Variants in STON1 observed in about 807,000 individuals in gnomAD.
STON1 encodes stonin 1.
Under a neutral mutation model 60.9 loss-of-function variants are expected in STON1, and 79 were observed. The observed-to-expected ratio is 1.30, with a 90% CI of 1.08 to 1.56. The LOEUF is 1.56. STON1 is among the 40% of genes most tolerant of loss of function. The pLI, the probability that STON1 is intolerant of heterozygous loss-of-function variation, is 0.00. For synonymous variants in STON1, 363 were observed against 306.9 expected, an observed-to-expected ratio of 1.18 and a Z score of -1.91; for missense variants, 1,166 against 858.9, an observed-to-expected ratio of 1.36 and a Z score of -4.47.
rs770726618 is a variant in STON1 at position 48,581,302 on chromosome 2, G to T, written c.669G>T (p.Lys223Asn). The T allele has an allele frequency of 2.6e-6, 4 of 1,524,078 alleles. No individual in the cohort carries two copies. In the East Asian group the frequency reaches 9.0e-5, roughly 34 times the overall value. 94.4% of individuals were successfully genotyped at this position (1,524,078 alleles called of 1,614,324 possible). Residue 223 changes from lysine to asparagine, a missense_variant, in exon 2 of 4, where the codon AAG (lysine) becomes AAT (asparagine). Coordinates refer to ENST00000404752, the MANE Select transcript of STON1 (RefSeq NM_006873.4). ...CTATTGACCAAAAAAGCCTAAATAA[G>T]TGTTCACTCAACTATATCTGTGAGA... The part of the protein sequence containing the change: ...EMPIDQKSLN[K>N]CSLNYICEKL...
At chr2:48,557,434 G>A (rs1392242778) in intron 1 of STON1, among the ~76,000 whole-genome samples, 2 of 97,192 alleles carry the variant, frequency 2.1e-5, no homozygotes, top group Non-Finnish European at 4.7e-5. Flanking sequence ...GGGCAGAGAC[G>A]CTCCTCACTT....
chr2:48,562,771 C>T lies in STON1; in HGVS notation c.-47-17816C>T, dbSNP rs1273605381. Among the ~76,000 whole-genome samples the T allele has an allele frequency of 3.9e-5, 6 of 152,182 alleles. No homozygotes were observed. The East Asian group carries it at 9.6e-4, about 24-fold the overall frequency. On this transcript the variant is annotated intron_variant, in intron 1 of 3. Transcript: ENST00000404752. ...GGCTCAGAAGTTGCCCATCTTGCCA[C>T]CTACAGGTTCTGTGGGTGGAGAGCA... is the stretch of plus-strand genomic sequence containing the variant.
At position 48,536,078 on chromosome 2, in the gene STON1, C is replaced by G. The variant is rs915255399; in HGVS notation, c.-48+5862C>G. On this transcript the variant is annotated intron_variant, in intron 1 of 3. Transcript: ENST00000404752. ...CTCCAGCCTGGGTGACAGAGCGACA[C>G]TCTGTCTCAAAAAATAAATCAAAAA... 4.7e-5 allele frequency among the ~76,000 whole-genome samples: 7 copies of G among 148,870 alleles called. No individual in the cohort carries two copies. The South Asian group carries it at 1.5e-3, about 32-fold the overall frequency.
rs1208212099 is a variant in STON1, at chr2:48,595,264, G to A, written c.2170G>A (p.Glu724Lys). The part of the protein sequence containing the change: ...IEKKWIKIDG[E>K]DPDKIGDCIT... Reference sequence around the variant, plus strand: ...AAAGAAGTGGATTAAAATCGATGGAGAAGACCCAGATAAAATTGGTGACTG... The same window carrying A: ...AAAGAAGTGGATTAAAATCGATGGAAAAGACCCAGATAAAATTGGTGACTG... Residue 724 changes from glutamate (E) to lysine (K), a missense_variant, in exon 4 of 4, where the codon GAA becomes AAA. Physicochemically the swap from Glu to Lys is moderately conservative, Grantham distance 56. Transcript: ENST00000404752. 1.2e-6 allele frequency: 2 copies of A among 1,613,910 alleles called. No homozygotes were observed. The highest frequency in any genetic ancestry group is 1.7e-5 in the Admixed American group (1 of 60,014).
chr2:48,578,581 C>T lies in STON1; in HGVS notation c.-47-2006C>T, dbSNP rs1050144802. The stretch of plus-strand genomic sequence containing the variant: ...CTTCTCCTCCTCCTCCTCCTCCTTC[C>T]TTTTTTTTTTTTTTTTTTTTTTTTT... On this transcript the variant is annotated intron_variant, in intron 1 of 3. Coordinates refer to ENST00000404752, the MANE Select transcript of STON1 (RefSeq NM_006873.4). Among the ~76,000 whole-genome samples, 185 of 46,146 alleles carry T rather than the reference C, an allele frequency of 4.0e-3. 1 individual carries two copies. Among genetic ancestry groups the T allele is most frequent in the Non-Finnish European group, 4.9e-3 (139 of 28,190 alleles). 30.3% of individuals were successfully genotyped at this position (46,146 alleles called of 152,430 possible). A position where few individuals can be genotyped will look rare whatever the true frequency, so the allele number is the denominator to read the frequency against.
intron 1 of STON1, among the ~76,000 whole-genome samples, chr2:48,544,749 G>A (rs539888335): frequency 5.0e-4 from 76 of 152,128 alleles, no homozygotes; most frequent in Non-Finnish European, 9.7e-4. Flanking sequence ...GTTTCACCGT[G>A]CTGGCCAGGC....
intron 1 of STON1, among the ~76,000 whole-genome samples, chr2:48,555,641 G>A (rs1672317876): frequency 1.4e-4 from 5 of 36,506 alleles, no homozygotes; most frequent in African/African-American, 6.0e-4. Flanking sequence ...CTGGCCGGGC[G>A]GGGGGCCGAC....
At chr2:48,546,881 C>T (rs1408780416) in intron 1 of STON1, among the ~76,000 whole-genome samples, 1 of 152,108 alleles carries the variant, frequency 6.6e-6, no homozygotes, top group Non-Finnish European at 1.5e-5. Context: ...AGAATCAATT[C>T]ACACACACCT....
chr2:48,541,416 G>A (rs1671646617), intron 1 of STON1, among the ~76,000 whole-genome samples: 1 of 150,726 alleles, frequency 6.6e-6, no homozygotes, highest in Non-Finnish European at 1.5e-5. Flanking sequence ...GGGTGCAGTG[G>A]CTCACACCTG....
rs116836998 is a variant in STON1 at position 48,574,821 on chromosome 2, A to G, written c.-47-5766A>G. ...ATAGTGATCACTCAAATAAAGATTTATTGAGTTGATTCAAATGTATTTCAG... is the reference window on the plus strand; with the variant it reads ...ATAGTGATCACTCAAATAAAGATTTGTTGAGTTGATTCAAATGTATTTCAG... On this transcript the variant is annotated intron_variant, in intron 1 of 3. Coordinates refer to ENST00000404752, the MANE Select transcript of STON1 (RefSeq NM_006873.4). 9.4e-3 allele frequency among the ~76,000 whole-genome samples: 1,436 copies of G among 152,372 alleles called. 21 individuals are homozygous for G. The highest frequency in any genetic ancestry group is 0.032 in the African/African-American group (1,340 of 41,582).
In STON1 at chr2:48,581,013, G is replaced by C. The variant is rs940389; in HGVS notation, c.380G>C (p.Arg127Thr). 532,728 of 1,568,372 alleles carry C rather than the reference G, an allele frequency of 0.34. 92,201 individuals carry two copies. The highest frequency in any genetic ancestry group is 0.42 in the East Asian group (18,874 of 44,470). Reference protein sequence around the residue: ...SGGESSLLPTRPTCLSHALLP... With the variant: ...SGGESSLLPTTPTCLSHALLP... The stretch of plus-strand genomic sequence containing the variant: ...GGAGAATCTTCCTTACTGCCTACCA[G>C]ACCAACATGTTTATCCCATGCCTTG... Residue 127 changes from arginine to threonine, a missense_variant, in exon 2 of 4, where the codon AGA becomes ACA. Arg to Thr is a moderately conservative substitution (Grantham distance 71, BLOSUM62 -1). Coordinates refer to ENST00000404752, the MANE Select transcript of STON1 (RefSeq NM_006873.4).
At chr2:48,549,897 G>T (rs1326126068) in intron 1 of STON1, among the ~76,000 whole-genome samples, 1 of 151,694 alleles carries the variant, frequency 6.6e-6, no homozygotes, top group Non-Finnish European at 1.5e-5. Context: ...GGTGGGTGGG[G>T]TGGTGGGACC....
intron 2 of STON1, among the ~76,000 whole-genome samples, chr2:48,584,785 C>G (rs1217209763): frequency 1.3e-5 from 2 of 152,090 alleles, no homozygotes; most frequent in African/African-American, 4.8e-5. Flanking sequence ...AGAACAAGCC[C>G]CAGACTACAA....
intron 1 of STON1, among the ~76,000 whole-genome samples, chr2:48,562,787 G>T (rs768586411): frequency 6.6e-6 from 1 of 152,176 alleles, no homozygotes; most frequent in Non-Finnish European, 1.5e-5. Context: ...GGTTCTGTGG[G>T]TGGAGAGCAG....
intron 1 of STON1, among the ~76,000 whole-genome samples, chr2:48,571,125 G>A (rs1478022445): frequency 1.3e-5 from 2 of 152,082 alleles, no homozygotes; most frequent in Non-Finnish European, 2.9e-5. Context: ...CAAAGTGCTG[G>A]GATTACAGGC....
chr2:48,545,664 T>C (rs1671835774), intron 1 of STON1, among the ~76,000 whole-genome samples: 1 of 152,234 alleles, frequency 6.6e-6, no homozygotes, highest in South Asian at 2.1e-4. Context: ...CTAGTTCCTT[T>C]AACCTTATCC....
At position 48,595,694 on chromosome 2, in the gene STON1, C is replaced by T. The variant is rs943078657; in HGVS notation, c.*392C>T. On this transcript the variant is annotated 3_prime_UTR_variant, in exon 4 of 4. Coordinates refer to ENST00000404752, the MANE Select transcript of STON1 (RefSeq NM_006873.4). ...CTCTTCTTGCTGCTTAGTGTCTGTA[C>T]TAGAGGGTAAGGGAATCAAAGGAGA... 4 of 207,558 alleles carry T rather than the reference C, an allele frequency of 1.9e-5. No homozygotes were observed. Among genetic ancestry groups the T allele is most frequent in the African/African-American group, 9.5e-5 (4 of 42,154 alleles). The allele number at this position is 207,558 out of a possible 1,614,324, so 12.9% of individuals were successfully genotyped here.
At chr2:48,555,047 G>A (rs951626297) in intron 1 of STON1, among the ~76,000 whole-genome samples, 2 of 58,620 alleles carry the variant, frequency 3.4e-5, no homozygotes, top group Non-Finnish European at 6.7e-5. Flanking sequence ...TTGGGGGTAA[G>A]GTCACAGATC....
At chr2:48,590,706 G>GA in intron 2 of STON1, among the ~76,000 whole-genome samples, 1 of 148,762 alleles carries the variant, frequency 6.7e-6, no homozygotes, top group Non-Finnish European at 1.5e-5. Context: ...CAGTATCTCT[G>GA]GGTCTGGCAC....
Sources: gnomAD v4.1 joint callset for allele counts (sites outside exome capture counted in the v4.1 genomes callset) on GRCh38, gnomAD v4.1.1 for gene constraint, MANE v1.5 for transcripts, NCBI Gene and HGNC (gene_info 2026-07-23, HGNC 2026-07-21) for gene names.